KCNN2: variants seen among roughly 807,000 people sequenced by gnomAD.
The protein encoded by KCNN2 is potassium calcium-activated channel subfamily N member 2.
Under a neutral mutation model 55.5 loss-of-function variants are expected in KCNN2, and 24 were observed. That is an observed-to-expected ratio of 0.43 (90% CI 0.31 to 0.61). KCNN2 has a LOEUF of 0.61. Ranked by LOEUF, KCNN2 falls within the 20% of genes least tolerant of loss-of-function variation. The pLI is 0.08. For synonymous variants in KCNN2, 431 were observed against 336.1 expected (o/e 1.28, Z -3.09); for missense variants, 754 against 853.6 (o/e 0.88, Z 1.45).
At chr5:114,185,008 G>T (rs1263436461) in intron 1 of KCNN2, among the ~76,000 whole-genome samples, 1 of 152,130 alleles carries the variant, frequency 6.6e-6, no homozygotes, top group African/African-American at 2.4e-5. Context: ...GGCTGTTTTT[G>T]GTGTTTAAAT....
At chr5:114,205,616 G>A (rs1258379345) in intron 1 of KCNN2, among the ~76,000 whole-genome samples, 3 of 152,172 alleles carry the variant, frequency 2.0e-5, no homozygotes, top group African/African-American at 7.2e-5. Context: ...CATGTCACTA[G>A]TATAAAGAGC....
At chr5:114,265,119 T>C (rs1755184183) in intron 2 of KCNN2, among the ~76,000 whole-genome samples, 1 of 152,160 alleles carries the variant, frequency 6.6e-6, no homozygotes, top group African/African-American at 2.4e-5. Context: ...GGAGGTAGTA[T>C]TTTTACAATG....
At chr5:114,163,568 C>A (rs1159149735) in intron 1 of KCNN2, among the ~76,000 whole-genome samples, 1 of 152,068 alleles carries the variant, frequency 6.6e-6, no homozygotes, top group African/African-American at 2.4e-5. Context: ...GTCTTTAATT[C>A]TTTTATATTA....
At chr5:114,107,645 C>T (rs1395809745) in intron 1 of KCNN2, among the ~76,000 whole-genome samples, 1 of 151,968 alleles carries the variant, frequency 6.6e-6, no homozygotes, top group African/African-American at 2.4e-5. Context: ...ATCTTCCCAT[C>T]TGGGCCTCCC....
intron 2 of KCNN2, among the ~76,000 whole-genome samples, chr5:114,284,567 G>C (rs1460611160): frequency 6.6e-6 from 1 of 152,110 alleles, no homozygotes. Context: ...TGCCAGGCTG[G>C]AGTGCAGTGG....
chr5:114,263,522 G>A (rs1755152646), intron 2 of KCNN2, among the ~76,000 whole-genome samples: 1 of 151,494 alleles, frequency 6.6e-6, no homozygotes. Flanking sequence ...CCTATGGATC[G>A]GATTGCCCCC....
intron 2 of KCNN2, among the ~76,000 whole-genome samples, chr5:114,307,040 C>A (rs1196067407): frequency 6.6e-6 from 1 of 152,034 alleles, no homozygotes. Context: ...GTTTTGGTTC[C>A]CCTAGTATCA....
At chr5:114,204,601 T>C (rs1753733298) in intron 1 of KCNN2, among the ~76,000 whole-genome samples, 1 of 152,100 alleles carries the variant, frequency 6.6e-6, no homozygotes, top group Non-Finnish European at 1.5e-5. Flanking sequence ...GACAAACAAA[T>C]AGAAGTGAAA....
chr5:114,375,158 CT>C (rs918350958), intron 2 of KCNN2, among the ~76,000 whole-genome samples: 39 of 152,180 alleles, frequency 2.6e-4, no homozygotes, highest in African/African-American at 9.1e-4. Flanking sequence ...ATTTCATGAA[CT>C]GTTTAATTTT....
At chr5:114,247,202 C>CAAAAAAAAAAAAAAAAAAAAAAAAAAA (rs370172975) in intron 2 of KCNN2, among the ~76,000 whole-genome samples, 1 of 68,096 alleles carries the variant, frequency 1.5e-5, no homozygotes, top group African/African-American at 5.8e-5. Context: ...CATATGTCTC[C>CAAAAAAAAAAAAAAAAAAAAAAAAAAA]AAAAAAAAAA....
intron 1 of KCNN2, among the ~76,000 whole-genome samples, chr5:114,073,700 GGTCCTAAGCTCA>G (rs1750623970): frequency 6.6e-6 from 1 of 152,158 alleles, no homozygotes; most frequent in African/African-American, 2.4e-5. Context: ...TTTGAGAGCT[GGTCCTAAGCTCA>G]GTTCATTGTT....
At chr5:114,388,120 G>T (rs1164558262) in intron 2 of KCNN2, among the ~76,000 whole-genome samples, 1 of 151,922 alleles carries the variant, frequency 6.6e-6, no homozygotes, top group Non-Finnish European at 1.5e-5. Flanking sequence ...TTGCTTTTTT[G>T]TACTCAACAT....
At chr5:114,093,489 C>G (rs893785126) in intron 1 of KCNN2, among the ~76,000 whole-genome samples, 1 of 152,090 alleles carries the variant, frequency 6.6e-6, no homozygotes, top group Non-Finnish European at 1.5e-5. Flanking sequence ...TAACAGTGCC[C>G]CACTCCCAGT....
At chr5:114,175,921 A>G (rs1358580668) in intron 1 of KCNN2, among the ~76,000 whole-genome samples, 1 of 152,236 alleles carries the variant, frequency 6.6e-6, no homozygotes, top group African/African-American at 2.4e-5. Context: ...TGAAAACAGT[A>G]AATTTCAAAG....
chr5:114,265,478 A>T (rs1755192334), intron 2 of KCNN2, among the ~76,000 whole-genome samples: 1 of 152,142 alleles, frequency 6.6e-6, no homozygotes, highest in Non-Finnish European at 1.5e-5. Context: ...GTAAGTTCCT[A>T]TCTGAAAGGT....
rs72801829 is a variant in KCNN2, at chr5:114,437,851, G to A, written c.1638-25198G>A. Among the ~76,000 whole-genome samples, 1,167 of 152,166 alleles carry A rather than the reference G, an allele frequency of 7.7e-3. 8 individuals carry two copies. The highest frequency in any genetic ancestry group is 0.013 in the Non-Finnish European group (907 of 67,988). On this transcript the variant is annotated intron_variant, in intron 3 of 7. Transcript: ENST00000673685. ...ATTTGAGTAAGATTTTTTCTGGATC[G>A]TCAGTAAATTTGTTTTTGGCTTTTC... is the stretch of plus-strand genomic sequence containing the variant.
chr5:114,438,596 A>C (rs936119292), intron 3 of KCNN2, among the ~76,000 whole-genome samples: 2 of 152,144 alleles, frequency 1.3e-5, no homozygotes, highest in Non-Finnish European at 2.9e-5. Context: ...TGCCAACAAC[A>C]GCAACAACAA....
intron 1 of KCNN2, among the ~76,000 whole-genome samples, chr5:114,137,424 CAG>C (rs1752196718): frequency 6.6e-6 from 1 of 152,102 alleles, no homozygotes; most frequent in Admixed American, 6.5e-5. Context: ...GCACACATCA[CAG>C]GGGGAGGATA....
At chr5:114,096,307 C>T (rs745547985) in intron 1 of KCNN2, among the ~76,000 whole-genome samples, 16 of 152,092 alleles carry the variant, frequency 1.1e-4, no homozygotes, top group Non-Finnish European at 1.9e-4. Context: ...TATATGGAGG[C>T]CATGGTTTGG....
Sources: gnomAD v4.1 joint callset for allele counts (sites outside exome capture counted in the v4.1 genomes callset) on GRCh38, gnomAD v4.1.1 for gene constraint, MANE v1.5 for transcripts, NCBI Gene and HGNC (gene_info 2026-07-23, HGNC 2026-07-21) for gene names.